Variants in RPL9 observed in about 807,000 individuals in gnomAD.
RPL9 encodes large ribosomal subunit protein uL6.
For missense variants in RPL9, 149 were observed against 236.7 expected (o/e 0.63, Z 2.43); for synonymous variants, 82 against 77.1 (o/e 1.06, Z -0.33).
At position 39,457,551 on chromosome 4, in the gene RPL9, T is replaced by C. The variant is rs532565850; in HGVS notation, c.258+35A>G. 7 of 1,554,002 alleles carry C rather than the reference T, an allele frequency of 4.5e-6. No individual in the cohort carries two copies. The Admixed American group carries it at 1.0e-4, about 22-fold the overall frequency. On this transcript the variant is annotated intron_variant, in intron 4 of 7. Transcript: ENST00000295955. The stretch of plus-strand genomic sequence containing the variant: ...AAAGCACAGGTTTGAGAAACCTCCC[T>C]TTCCAAAACAAGGAAGTCTGATACA...
In RPL9 at chr4:39,456,417, C is replaced by T. The variant is rs1345812176; in HGVS notation, c.380G>A (p.Arg127Gln). ...GGGTATGCACATACCTGGTCTCATC[C>T]GAACCCTGCGGATATATTTTTCACC... ...FLGEKYIRRV[R>Q]MRPGVACSVS... Residue 127 changes from arginine to glutamine, a missense_variant, in exon 5 of 8, where the codon CGG becomes CAG. Arg to Gln is a conservative substitution (Grantham distance 43, BLOSUM62 1). Coordinates refer to ENST00000295955, the MANE Select transcript of RPL9 (RefSeq NM_000661.5). 8.1e-6 allele frequency: 13 copies of T among 1,613,882 alleles called. No homozygotes were observed. The highest frequency in any genetic ancestry group is 1.7e-5 in the Admixed American group (1 of 59,998).
intron 2 of RPL9, 37 bp from the exon 3 acceptor site, chr4:39,458,346 C>T: frequency 6.2e-7 from 1 of 1,614,006 alleles, no homozygotes. Flanking sequence ...CCACACAACG[C>T]TTGGAACGTG....
chr4:39,457,754 T>G (rs1744168450), intron 3 of RPL9, 73 bp from the exon 4 acceptor site: 1 of 1,245,176 alleles, frequency 8.0e-7, no homozygotes, highest in African/African-American at 1.5e-5. Flanking sequence ...CTTACCGAAT[T>G]ACTTTAAGAT....
chr4:39,458,842 A>G, intron 1 of RPL9, 49 bp downstream of exon 1: 1 of 693,750 alleles, frequency 1.4e-6, no homozygotes, highest in Non-Finnish European at 2.6e-6. Context: ...TTCCCAGAGC[A>G]GATGGTTTCA....
rs1270585880 is a variant in RPL9 at position 39,458,912 on chromosome 4, A to G, written c.-23T>C. 20 of 711,536 alleles carry G rather than the reference A, an allele frequency of 2.8e-5. No individual in the cohort carries two copies. The East Asian group carries it at 5.4e-4, about 19-fold the overall frequency. 44.1% of individuals were successfully genotyped at this position (711,536 alleles called of 1,614,324 possible). A position where few individuals can be genotyped will look rare whatever the true frequency, so the allele number is the denominator to read the frequency against. On this transcript the variant is annotated 5_prime_UTR_variant, in exon 1 of 8. Transcript: ENST00000295955. Reference sequence around the variant, plus strand: ...TTACCTCGCAGTAGACGCAGCAAAGAAAGAACGTCTGTCGTCATTACGTAC... The same window carrying G: ...TTACCTCGCAGTAGACGCAGCAAAGGAAGAACGTCTGTCGTCATTACGTAC...
chr4:39,458,087 G>A, intron 3 of RPL9, 107 bp downstream of exon 3: 1 of 1,087,354 alleles, frequency 9.2e-7, no homozygotes, highest in Non-Finnish European at 1.4e-6. Context: ...AACATTTAAA[G>A]CTGAAGCACT....
At chr4:39,457,833 C>T (rs1359437501) in intron 3 of RPL9, 152 bp from the exon 4 acceptor site, 1 of 690,762 alleles carries the variant, frequency 1.4e-6, no homozygotes, top group Non-Finnish European at 2.5e-6. Context: ...TAAAACCTCC[C>T]AACAGTTAAG....
rs140392810 is a variant in RPL9, at chr4:39,454,889, A to G, written c.447T>C (p.Asn149=). The part of the protein sequence containing the change: ...AQKDELILEG[N]DIELVSNSAA... ...CTGAATTTGAAACAAGCTCAATGTC[A>G]TTTCCTTCAAGGATTAATTCATCTT... The change falls in exon 6 of 8, where the codon AAT becomes AAC. Residue 149 remains asparagine, a synonymous_variant. Transcript: ENST00000295955. The G allele has an allele frequency of 3.7e-6, 6 of 1,613,790 alleles. No homozygotes were observed. The African/African-American group carries it at 6.7e-5, about 18-fold the overall frequency.
At chr4:39,458,557 C>CG in intron 1 of RPL9, 117 bp from the exon 2 acceptor site, 1 of 1,126,140 alleles carries the variant, frequency 8.9e-7, no homozygotes, top group Non-Finnish European at 1.3e-6. Context: ...GACAAGATGT[C>CG]GGAGGACGGG....
At chr4:39,457,419 A>G in intron 4 of RPL9, 167 bp downstream of exon 4, 1 of 588,112 alleles carries the variant, frequency 1.7e-6, no homozygotes, top group South Asian at 2.1e-5. Context: ...CTTTGCTCTC[A>G]GCTCTATCGC....
At chr4:39,455,594 C>T (rs751434261) in intron 5 of RPL9, among the ~76,000 whole-genome samples, 7 of 151,848 alleles carry the variant, frequency 4.6e-5, no homozygotes, top group South Asian at 2.1e-4. Context: ...GGCAACGTGG[C>T]GAAACAGTCT....
chr4:39,454,554 CCTG>C lies in RPL9; in HGVS notation c.565_567del (p.Gln189del), dbSNP rs766245979. On this transcript the variant is annotated inframe_deletion, in exon 7 of 8. Coordinates refer to ENST00000295955, the MANE Select transcript of RPL9 (RefSeq NM_000661.5). Reference sequence around the variant, plus strand: ...TTACCTCTTAGATCTTATTCATCAGCCTGCTGAACAGTTCCTTTTTCAGAGACA... The same window carrying C: ...TTACCTCTTAGATCTTATTCATCAGCCTGAACAGTTCCTTTTTCAGAGACA... The C allele has an allele frequency of 3.1e-6, 5 of 1,609,648 alleles. No individual in the cohort carries two copies. The South Asian group carries it at 3.3e-5, about 11-fold the overall frequency.
At chr4:39,457,327 C>T (rs1744131626) in intron 4 of RPL9, 1 of 311,902 alleles carries the variant, frequency 3.2e-6, no homozygotes, top group East Asian at 6.4e-5. Context: ...TCAGCCTGGA[C>T]AAAATAGCGA....
Position 39,456,586 on chromosome 4 carries a change from T to G in RPL9, c.259-48A>C, listed in dbSNP as rs1309459357. 1.9e-6 allele frequency: 3 copies of G among 1,583,670 alleles called. No individual in the cohort carries two copies. In the Admixed American group the frequency reaches 5.6e-5, roughly 30 times the overall value. On this transcript the variant is annotated intron_variant, in intron 4 of 7. Coordinates refer to ENST00000295955, the MANE Select transcript of RPL9 (RefSeq NM_000661.5). ...CTATTAGCAATGCTGAGGAATATTT[T>G]TAATAGTTTTAAAATTTTCTAAGAT... is the stretch of plus-strand genomic sequence containing the variant.
rs571135468 is a variant in RPL9, at chr4:39,454,131, A to C, written c.*105T>G. On this transcript the variant is annotated 3_prime_UTR_variant, in exon 8 of 8. Coordinates refer to ENST00000295955, the MANE Select transcript of RPL9 (RefSeq NM_000661.5). Reference sequence around the variant, plus strand: ...GCTAAAAAGGATAACCGGTTTAAGAAGAAGGTCCAAATCAATAGGTCTTTT... The same window carrying C: ...GCTAAAAAGGATAACCGGTTTAAGACGAAGGTCCAAATCAATAGGTCTTTT... 6.4e-6 allele frequency: 1 copy of C among 155,182 alleles called. No individual in the cohort carries two copies. The highest frequency in any genetic ancestry group is 1.4e-5 in the Non-Finnish European group (1 of 69,840). 9.6% of individuals were successfully genotyped at this position (155,182 alleles called of 1,614,324 possible).
At chr4:39,457,911 C>CGGTTCCTG (rs1744176297) in intron 3 of RPL9, 1 of 622,364 alleles carries the variant, frequency 1.6e-6, no homozygotes, top group South Asian at 1.9e-5. Context: ...GACCTACTGC[C>CGGTTCCTG]GGTTCCTGTG....
At chr4:39,457,017 C>T (rs1294687413) in intron 4 of RPL9, 3 of 159,876 alleles carry the variant, frequency 1.9e-5, no homozygotes, top group Non-Finnish European at 4.1e-5. Context: ...ACCATTTCAG[C>T]ATGAACTTTT....
In RPL9 at chr4:39,455,700, G is replaced by A. The variant is rs1211034591; in HGVS notation, c.391+706C>T. 3 of 153,090 alleles carry A rather than the reference G, an allele frequency of 2.0e-5. No individual in the cohort carries two copies. The East Asian group carries it at 5.7e-4, about 29-fold the overall frequency. 9.5% of individuals were successfully genotyped at this position (153,090 alleles called of 1,614,324 possible). A position where few individuals can be genotyped will look rare whatever the true frequency, so the allele number is the denominator to read the frequency against. On this transcript the variant is annotated intron_variant, in intron 5 of 7. Transcript: ENST00000295955. The stretch of plus-strand genomic sequence containing the variant: ...GTGGGAGAAACACCTGAGCACGAAG[G>A]TGGAGGATGCAATGAGCTGAGATCA...
intron 4 of RPL9, 47 bp downstream of exon 4, chr4:39,457,539 G>C (rs189580068): frequency 2.0e-6 from 3 of 1,468,590 alleles, no homozygotes; most frequent in Admixed American, 1.7e-5. Context: ...GCACAGGTTT[G>C]AGAAACCTCC....
Sources: gnomAD v4.1 joint callset for allele counts (sites outside exome capture counted in the v4.1 genomes callset) on GRCh38, gnomAD v4.1.1 for gene constraint, MANE v1.5 for transcripts, NCBI Gene and HGNC (gene_info 2026-07-23, HGNC 2026-07-21) for gene names.